The following MYO6 variants were observed in gnomAD, a reference collection of about 807,000 sequenced individuals.
The protein encoded by MYO6 is myosin VI.
MYO6 carries 74 observed loss-of-function variants against 178.7 expected under a neutral mutation model. The ratio of observed to expected loss-of-function variants is 0.41; its 90% confidence interval spans 0.34 to 0.50. MYO6 has a LOEUF of 0.50. Among genes scored for constraint, MYO6 ranks in the 20% least tolerant of loss-of-function variants. MYO6 has a pLI of 0.09. For synonymous variants in MYO6, 477 were observed against 504.6 expected (o/e 0.95, Z 0.73); for missense variants, 1,330 against 1,547.4 (o/e 0.86, Z 2.36).
intron 19 of MYO6, among the ~76,000 whole-genome samples, chr6:75,872,120 C>T (rs1295103188): frequency 6.6e-6 from 1 of 151,822 alleles, no homozygotes; most frequent in East Asian, 1.9e-4. Flanking sequence ...CAGAATGAGA[C>T]TCTCTCTCAA....
intron 1 of MYO6, among the ~76,000 whole-genome samples, chr6:75,808,363 C>G (rs1004270468): frequency 2.6e-5 from 4 of 152,126 alleles, no homozygotes; most frequent in Non-Finnish European, 5.9e-5. Flanking sequence ...TGCATGTACT[C>G]GGACAGAGAT....
chr6:75,881,934 C>T (rs1778064209), intron 23 of MYO6, 116 bp downstream of exon 23: 1 of 1,219,778 alleles, frequency 8.2e-7, no homozygotes, highest in Non-Finnish European at 1.2e-6. Context: ...CTTGTTCACA[C>T]TGGGTCCCAG....
At chr6:75,805,864 A>G (rs1440276386) in intron 1 of MYO6, among the ~76,000 whole-genome samples, 1 of 152,242 alleles carries the variant, frequency 6.6e-6, no homozygotes, top group Non-Finnish European at 1.5e-5. Context: ...GACTTCTAGT[A>G]CAATAGCACT....
intron 1 of MYO6, among the ~76,000 whole-genome samples, chr6:75,803,596 C>T (rs1369736676): frequency 1.3e-5 from 2 of 151,780 alleles, no homozygotes; most frequent in African/African-American, 4.8e-5. Flanking sequence ...AGCAGGTGCT[C>T]AGTAAATATT....
chr6:75,801,431 T>C (rs1401454020), intron 1 of MYO6, among the ~76,000 whole-genome samples: 1 of 151,910 alleles, frequency 6.6e-6, no homozygotes, highest in African/African-American at 2.4e-5. Flanking sequence ...TGGTTTTAGA[T>C]AGGAGTAAGA....
intron 1 of MYO6, chr6:75,768,043 G>A (rs1459339903): frequency 6.6e-6 from 1 of 151,950 alleles, no homozygotes; most frequent in African/African-American, 2.4e-5. Context: ...TGCCCAGTGT[G>A]TCTGCAATAA....
chr6:75,758,089 T>C (rs1256511046), intron 1 of MYO6, among the ~76,000 whole-genome samples: 1 of 146,976 alleles, frequency 6.8e-6, no homozygotes, highest in Non-Finnish European at 1.5e-5. Flanking sequence ...GCAATTCTCC[T>C]GCCTCAGCTT....
chr6:75,788,734 G>A lies in MYO6; in HGVS notation c.-47-28767G>A, dbSNP rs72890606. Among the ~76,000 whole-genome samples, 1,265 of 152,214 alleles carry A rather than the reference G, an allele frequency of 8.3e-3. 12 individuals carry two copies. The highest frequency in any genetic ancestry group is 0.012 in the African/African-American group (478 of 41,526). ...ATTACAGGCATGAACCACTGCCTCC[G>A]GTCCAGAATGATTTTGTCAGAAGAA... On this transcript the variant is annotated intron_variant, in intron 1 of 34. Transcript: ENST00000369977.
At position 75,891,256 on chromosome 6, in the gene MYO6, C is replaced by G. The variant is rs756226466; in HGVS notation, c.2896C>G (p.Gln966Glu). The stretch of plus-strand genomic sequence containing the variant: ...ACTTGAGATGGAAGCAAAGAGAAAA[C>G]AAGAAGAAGAAGAGAGAAAGAAAAG... ...MKLEMEAKRK[Q>E]EEEERKKRED... The change falls in exon 27 of 35, where the codon CAA (glutamine) becomes GAA (glutamate). Residue 966 changes from glutamine to glutamate, a missense_variant. By Grantham distance (29) the Gln-to-Glu change is conservative. Transcript: ENST00000369977. The G allele has an allele frequency of 2.5e-5, 41 of 1,607,954 alleles. No individual in the cohort carries two copies. The Middle Eastern group carries it at 4.9e-4, about 19-fold the overall frequency.
intron 11 of MYO6, 129 bp from the exon 12 acceptor site, chr6:75,855,010 T>G (rs561351138): frequency 2.8e-5 from 23 of 825,842 alleles, no homozygotes; most frequent in Admixed American, 2.3e-4. Flanking sequence ...TGAGGTAGAT[T>G]TAAAAGTTAC....
At chr6:75,900,383 C>T (rs538150054) in intron 30 of MYO6, among the ~76,000 whole-genome samples, 16 of 152,280 alleles carry the variant, frequency 1.1e-4, no homozygotes, top group East Asian at 9.7e-4. Flanking sequence ...TTCTCCACAT[C>T]GTCTCCAGCA....
At chr6:75,802,836 G>A (rs1210898944) in intron 1 of MYO6, among the ~76,000 whole-genome samples, 1 of 152,052 alleles carries the variant, frequency 6.6e-6, no homozygotes, top group Admixed American at 6.6e-5. Context: ...TAACTTCTGG[G>A]TGTATCATTG....
intron 27 of MYO6, among the ~76,000 whole-genome samples, chr6:75,891,530 G>A (rs1778905781): frequency 6.6e-6 from 1 of 152,124 alleles, no homozygotes; most frequent in African/African-American, 2.4e-5. Context: ...TAATTGGGAG[G>A]TTGAGGCAGG....
chr6:75,787,681 T>TATATATATATATGGGGGAATGGAA (rs1767720603), intron 1 of MYO6, among the ~76,000 whole-genome samples: 19 of 12,570 alleles, frequency 1.5e-3, no homozygotes, highest in Admixed American at 0.013. Context: ...AACTATTCTC[T>TATATATATATATGGGGGAATGGAA]CTCTCTCTCT....
At chr6:75,871,473 C>T (rs1478909547) in intron 19 of MYO6, among the ~76,000 whole-genome samples, 1 of 152,162 alleles carries the variant, frequency 6.6e-6, no homozygotes, top group Non-Finnish European at 1.5e-5. Context: ...TGTTCTTGAA[C>T]CCCTGGGCTC....
intron 5 of MYO6, 136 bp downstream of exon 5, chr6:75,830,681 A>T: frequency 1.2e-6 from 1 of 835,924 alleles, no homozygotes; most frequent in Admixed American, 2.4e-5. Flanking sequence ...TCTTGGATAT[A>T]TCAACATTGT....
chr6:75,838,902 C>T (rs758097856), intron 7 of MYO6, among the ~76,000 whole-genome samples: 39 of 151,882 alleles, frequency 2.6e-4, no homozygotes, highest in Non-Finnish European at 3.7e-4. Context: ...CCCCATGATC[C>T]GCCCACCTCG....
intron 23 of MYO6, among the ~76,000 whole-genome samples, chr6:75,883,667 G>C (rs1778211471): frequency 6.6e-6 from 1 of 152,134 alleles, no homozygotes; most frequent in Non-Finnish European, 1.5e-5. Flanking sequence ...TACATAGCTG[G>C]CCCAAGACAA....
At position 75,822,796 on chromosome 6, in the gene MYO6, C is replaced by T; in HGVS notation, c.132C>T (p.Leu44=). The part of the protein sequence containing the change: ...LNQKGKTFLA[L]INQVFPAEED... Reference sequence around the variant, plus strand: ...TTGCTTGTTAGACATTTTTGGCTCTCATAAACCAAGTGTTTCCTGCAGAAG... The same window carrying T: ...TTGCTTGTTAGACATTTTTGGCTCTTATAAACCAAGTGTTTCCTGCAGAAG... The change falls in exon 3 of 35, where the codon CTC becomes CTT. Residue 44 remains leucine (L), a synonymous_variant. Coordinates refer to ENST00000369977, the MANE Select transcript of MYO6 (RefSeq NM_004999.4). The T allele has an allele frequency of 6.2e-7, 1 of 1,613,484 alleles. No individual in the cohort carries two copies. Among genetic ancestry groups the T allele is most frequent in the East Asian group, 2.2e-5 (1 of 44,750 alleles).
Sources: gnomAD v4.1 joint callset for allele counts (sites outside exome capture counted in the v4.1 genomes callset) on GRCh38, gnomAD v4.1.1 for gene constraint, MANE v1.5 for transcripts, NCBI Gene and HGNC (gene_info 2026-07-23, HGNC 2026-07-21) for gene names.